The following ASXL3 variants were observed in gnomAD, a reference collection of about 807,000 sequenced individuals.
ASXL3 encodes putative Polycomb group protein ASXL3.
Under a neutral mutation model 170.6 loss-of-function variants are expected in ASXL3, and 34 were observed. That is an observed-to-expected ratio of 0.20 (90% CI 0.15 to 0.27). The LOEUF (loss-of-function observed/expected upper bound fraction) is 0.27. Ranked by LOEUF, ASXL3 falls within the 10% of genes least tolerant of loss-of-function variation. ASXL3 has a pLI of 1.00. For missense variants in ASXL3, 2,592 were observed against 2,695.3 expected (o/e 0.96, Z 0.85); for synonymous variants, 1,002 against 989.1 (o/e 1.01, Z -0.24).
At chr18:33,695,179 A>G (rs574404670) in intron 8 of ASXL3, among the ~76,000 whole-genome samples, 16 of 152,184 alleles carry the variant, frequency 1.1e-4, no homozygotes, top group Non-Finnish European at 1.8e-4. Context: ...AGATTATAAA[A>G]TTCAAAAGTA....
At chr18:33,649,894 T>C (rs1434279632) in intron 4 of ASXL3, among the ~76,000 whole-genome samples, 1 of 152,000 alleles carries the variant, frequency 6.6e-6, no homozygotes, top group Non-Finnish European at 1.5e-5. Context: ...TTTTCAGAGC[T>C]GATAAGAAAG....
rs1403839805 is a variant in ASXL3, at chr18:33,749,019, T to C, written c.*2424T>C. 1 of 152,078 alleles carries C rather than the reference T, an allele frequency of 6.6e-6. No homozygotes were observed. Among genetic ancestry groups the C allele is most frequent in the Non-Finnish European group, 1.5e-5 (1 of 68,022 alleles). The allele number at this position is 152,078 out of a possible 1,614,324, so 9.4% of individuals were successfully genotyped here. ...CACATAACAGGCTTGGAGAATCAGT[T>C]GTTGATAGTGCATGGATTCTATCAT... On this transcript the variant is annotated 3_prime_UTR_variant, in exon 12 of 12. Coordinates refer to ENST00000269197, the MANE Select transcript of ASXL3 (RefSeq NM_030632.3).
At chr18:33,723,494 AGATGT>A (rs1308222241) in intron 8 of ASXL3, among the ~76,000 whole-genome samples, 1 of 152,190 alleles carries the variant, frequency 6.6e-6, no homozygotes, top group Admixed American at 6.6e-5. Flanking sequence ...TAGAGCCTGA[AGATGT>A]GACTGAGTTG....
chr18:33,742,296 C>T (rs1292629328), intron 11 of ASXL3, among the ~76,000 whole-genome samples: 1 of 152,192 alleles, frequency 6.6e-6, no homozygotes, highest in African/African-American at 2.4e-5. Flanking sequence ...ATGTATAAAG[C>T]AGCATGCAAG....
intron 2 of ASXL3, among the ~76,000 whole-genome samples, chr18:33,624,518 A>G (rs1195208679): frequency 6.6e-6 from 1 of 151,996 alleles, no homozygotes; most frequent in African/African-American, 2.4e-5. Flanking sequence ...AACCTTCTGA[A>G]TGTATGATAT....
chr18:33,602,648 G>A (rs559455643), intron 1 of ASXL3, among the ~76,000 whole-genome samples: 1 of 152,082 alleles, frequency 6.6e-6, no homozygotes, highest in Admixed American at 6.6e-5. Flanking sequence ...AATATTAGCT[G>A]CTCTTATTAT....
At chr18:33,613,414 C>T (rs891474198) in intron 2 of ASXL3, among the ~76,000 whole-genome samples, 3 of 151,986 alleles carry the variant, frequency 2.0e-5, no homozygotes, top group Non-Finnish European at 4.4e-5. Context: ...TTTATAGTAG[C>T]ATTTCTTAAT....
chr18:33,624,932 C>T (rs1476347208), intron 2 of ASXL3, among the ~76,000 whole-genome samples: 1 of 152,120 alleles, frequency 6.6e-6, no homozygotes, highest in Non-Finnish European at 1.5e-5. Flanking sequence ...AAACTAAATA[C>T]AGCATAGAAT....
At chr18:33,703,126 T>C (rs1272551843) in intron 8 of ASXL3, among the ~76,000 whole-genome samples, 1 of 152,184 alleles carries the variant, frequency 6.6e-6, no homozygotes, top group South Asian at 2.1e-4. Flanking sequence ...ATTTACTTTT[T>C]AGCTTGTTAC....
chr18:33,627,190 T>C (rs2065615999), intron 2 of ASXL3: 1 of 152,188 alleles, frequency 6.6e-6, no homozygotes, highest in Non-Finnish European at 1.5e-5. Context: ...AATGGACAAC[T>C]GAAGGCCAGG....
intron 2 of ASXL3, among the ~76,000 whole-genome samples, chr18:33,619,694 A>T (rs1356501551): frequency 6.6e-6 from 1 of 152,124 alleles, no homozygotes; most frequent in Non-Finnish European, 1.5e-5. Flanking sequence ...TTTATTGTTG[A>T]TCTTGGACTT....
intron 8 of ASXL3, among the ~76,000 whole-genome samples, chr18:33,712,204 TAC>T (rs1307688528): frequency 5.9e-5 from 9 of 152,322 alleles, no homozygotes; most frequent in African/African-American, 1.9e-4. Context: ...TTCCACCTGA[TAC>T]ATTTATTTAT....
intron 2 of ASXL3, chr18:33,625,938 A>G (rs1463347141): frequency 3.3e-5 from 5 of 152,164 alleles, no homozygotes; most frequent in Admixed American, 3.3e-4. Context: ...TGCTGCAGTG[A>G]TTTAACCCAC....
chr18:33,650,350 G>T (rs1194022408), intron 4 of ASXL3, among the ~76,000 whole-genome samples: 1 of 151,952 alleles, frequency 6.6e-6, no homozygotes. Flanking sequence ...AACAGTGAGG[G>T]GAATATAGGT....
chr18:33,594,269 A>G (rs543146689), intron 1 of ASXL3, among the ~76,000 whole-genome samples: 2 of 152,328 alleles, frequency 1.3e-5, no homozygotes, highest in African/African-American at 4.8e-5. Flanking sequence ...AGGGTTGGCT[A>G]AAGGTAACTC....
intron 1 of ASXL3, among the ~76,000 whole-genome samples, chr18:33,583,513 TAAA>T (rs1210458918): frequency 1.3e-5 from 2 of 152,162 alleles, no homozygotes; most frequent in Non-Finnish European, 2.9e-5. Context: ...GTTTGAAAGA[TAAA>T]AAAGAGTTTA....
intron 4 of ASXL3, among the ~76,000 whole-genome samples, chr18:33,649,216 G>T (rs1436856267): frequency 2.6e-5 from 4 of 152,104 alleles, no homozygotes; most frequent in African/African-American, 9.7e-5. Flanking sequence ...TTATGGTTTG[G>T]TTAGATGAGG....
chr18:33,742,576 T>C lies in ASXL3; in HGVS notation c.3040-312T>C, dbSNP rs7237379. On this transcript the variant is annotated intron_variant, in intron 11 of 11. Coordinates refer to ENST00000269197, the MANE Select transcript of ASXL3 (RefSeq NM_030632.3). ...CTTGAAGTCTTTCTTTTTAGCCTAC[T>C]ACACTTCTAGAAGCATGAATTTTGT... 0.62 allele frequency among the ~76,000 whole-genome samples: 93,968 copies of C among 152,076 alleles called. 30,394 individuals are homozygous for C. The highest frequency in any genetic ancestry group is 0.9 in the East Asian group (4,652 of 5,156).
chr18:33,623,830 A>C (rs1273708994), intron 2 of ASXL3, among the ~76,000 whole-genome samples: 2 of 152,288 alleles, frequency 1.3e-5, no homozygotes, highest in African/African-American at 4.8e-5. Flanking sequence ...TTACTTAATG[A>C]AGCAGAGCCT....
Sources: gnomAD v4.1 joint callset for allele counts (sites outside exome capture counted in the v4.1 genomes callset) on GRCh38, gnomAD v4.1.1 for gene constraint, MANE v1.5 for transcripts, NCBI Gene and HGNC (gene_info 2026-07-23, HGNC 2026-07-21) for gene names.